FOXO1: variants seen among roughly 807,000 people sequenced by gnomAD.
FOXO1 encodes the protein forkhead box protein O1.
FOXO1 carries 6 observed loss-of-function variants against 44.1 expected under a neutral mutation model. The ratio of observed to expected loss-of-function variants is 0.14; its 90% confidence interval spans 0.07 to 0.27. FOXO1 has a LOEUF of 0.27. Among genes scored for constraint, FOXO1 ranks in the 10% least tolerant of loss-of-function variants. The pLI, the probability that FOXO1 is intolerant of heterozygous loss-of-function variation, is 1.00. For synonymous variants in FOXO1, 380 were observed against 362.7 expected (o/e 1.05, Z -0.54); for missense variants, 737 against 888.8 (o/e 0.83, Z 2.17).
At chr13:40,665,503 G>T in intron 1 of FOXO1, 80 bp downstream of exon 1, 1 of 1,202,060 alleles carries the variant, frequency 8.3e-7, no homozygotes, top group Non-Finnish European at 1.1e-6. Context: ...CGCACCTTCA[G>T]GCCGAGCAAA....
At chr13:40,601,319 T>C (rs925147050) in intron 1 of FOXO1, among the ~76,000 whole-genome samples, 3 of 152,262 alleles carry the variant, frequency 2.0e-5, no homozygotes, top group Admixed American at 1.3e-4. Context: ...CCAGTTATGC[T>C]GTTAATAGTA....
intron 1 of FOXO1, among the ~76,000 whole-genome samples, chr13:40,651,404 G>T (rs1209709203): frequency 6.6e-6 from 1 of 152,144 alleles, no homozygotes; most frequent in Non-Finnish European, 1.5e-5. Flanking sequence ...AGAGGTCACA[G>T]CAGGGAAAGT....
chr13:40,612,064 GT>G (rs1198746269), intron 1 of FOXO1, among the ~76,000 whole-genome samples: 1 of 152,050 alleles, frequency 6.6e-6, no homozygotes, highest in Non-Finnish European at 1.5e-5. Context: ...GTGAGACCCT[GT>G]CTCAATAAAT....
At chr13:40,639,912 C>G (rs1877293046) in intron 1 of FOXO1, among the ~76,000 whole-genome samples, 1 of 152,246 alleles carries the variant, frequency 6.6e-6, no homozygotes, top group African/African-American at 2.4e-5. Context: ...GTGGCAAACC[C>G]AATCCCTCAA....
intron 1 of FOXO1, among the ~76,000 whole-genome samples, chr13:40,573,495 A>G (rs1874626142): frequency 6.6e-6 from 1 of 152,222 alleles, no homozygotes; most frequent in Admixed American, 6.5e-5. Flanking sequence ...GTAGGAAAAA[A>G]GGGATCCCTG....
intron 1 of FOXO1, among the ~76,000 whole-genome samples, chr13:40,569,302 G>A (rs1874394350): frequency 6.6e-6 from 1 of 152,206 alleles, no homozygotes; most frequent in Non-Finnish European, 1.5e-5. Flanking sequence ...GCCCTTCTGA[G>A]TAGGTCCTGG....
At chr13:40,659,227 A>C (rs1850513762) in intron 1 of FOXO1, among the ~76,000 whole-genome samples, 1 of 150,834 alleles carries the variant, frequency 6.6e-6, no homozygotes, top group African/African-American at 2.5e-5. Context: ...AGGCAGGAGA[A>C]TCACCTGAAC....
intron 1 of FOXO1, among the ~76,000 whole-genome samples, chr13:40,578,575 A>G (rs945481031): frequency 2.6e-5 from 4 of 152,088 alleles, no homozygotes; most frequent in Non-Finnish European, 5.9e-5. Context: ...TCCTCTAACC[A>G]TTGAGGTCTC....
At chr13:40,656,274 T>C (rs575120388) in intron 1 of FOXO1, among the ~76,000 whole-genome samples, 13 of 152,362 alleles carry the variant, frequency 8.5e-5, no homozygotes, top group African/African-American at 3.1e-4. Flanking sequence ...TAAGGCAATA[T>C]TAGAACTGAC....
rs1167812679 is a variant in FOXO1 at position 40,666,255 on chromosome 13, G to C, written c.-43C>G. On this transcript the variant is annotated 5_prime_UTR_variant, in exon 1 of 3. Transcript: ENST00000379561. ...CCCCAGCCGCAGGAGAGCCAAGAGG[G>C]GGAGAACGCAGCACTGGGGGCGGAC... 7 of 1,350,762 alleles carry C rather than the reference G, an allele frequency of 5.2e-6. No individual in the cohort carries two copies. Among genetic ancestry groups the C allele is most frequent in the Non-Finnish European group, 5.7e-6 (6 of 1,050,128 alleles). The allele number at this position is 1,350,762 out of a possible 1,614,324, so 83.7% of individuals were successfully genotyped here. A position where few individuals can be genotyped will look rare whatever the true frequency, so the allele number is the denominator to read the frequency against.
chr13:40,665,447 C>T (rs1455022129), intron 1 of FOXO1, 136 bp downstream of exon 1: 2 of 747,238 alleles, frequency 2.7e-6, no homozygotes, highest in Admixed American at 8.7e-5. Flanking sequence ...CCACCGCGAC[C>T]ACCGCTTCTC....
chr13:40,563,902 CCT>C (rs774451418), intron 1 of FOXO1, among the ~76,000 whole-genome samples: 2 of 152,160 alleles, frequency 1.3e-5, no homozygotes, highest in African/African-American at 2.4e-5. Context: ...GCAGTCTGAC[CCT>C]GACATTTTCT....
chr13:40,598,018 T>C (rs1323630460), intron 1 of FOXO1, among the ~76,000 whole-genome samples: 2 of 152,172 alleles, frequency 1.3e-5, no homozygotes, highest in Admixed American at 1.3e-4. Context: ...GCTCTCGTTT[T>C]CAATTTCCAA....
chr13:40,665,746 C>A lies in FOXO1; in HGVS notation c.467G>T (p.Arg156Leu). Residue 156 changes from arginine to leucine, a missense_variant, in exon 1 of 3, where the codon CGC (arginine) becomes CTC (leucine). Arg to Leu is a moderately radical substitution (Grantham distance 102). Around this residue, in one of 7 missense-constraint regions of FOXO1, gnomAD observed 213 missense variants for 236.4 expected, o/e 0.90. Coordinates refer to ENST00000379561, the MANE Select transcript of FOXO1 (RefSeq NM_002015.4). ...AGQPRKSSSS[R>L]RNAWGNLSYA... ...GGACAGGTTGCCCCACGCGTTGCGG[C>A]GGGACGAGCTGCTCTTGCGCGGCTG... 2 of 1,423,930 alleles carry A rather than the reference C, an allele frequency of 1.4e-6. No homozygotes were observed. The highest frequency in any genetic ancestry group is 1.9e-6 in the Non-Finnish European group (2 of 1,073,548). 88.2% of individuals were successfully genotyped at this position (1,423,930 alleles called of 1,614,324 possible).
chr13:40,645,992 A>G (rs1036307009), intron 1 of FOXO1, among the ~76,000 whole-genome samples: 1 of 151,778 alleles, frequency 6.6e-6, no homozygotes, highest in African/African-American at 2.4e-5. Context: ...GCTTGAACCC[A>G]AGAGGCAGAG....
rs1313738724 is a variant in FOXO1 at position 40,560,521 on chromosome 13, T to C, written c.970A>G (p.Ile324Val). ...ATAATGGGTGAGAGTCTCCCACTAA[T>C]AGTACTAGCATTTGAGCTAGTTCGA... The part of the protein sequence containing the change: ...RPRTSSNAST[I>V]SGRLSPIMTE... The change falls in exon 2 of 3, where the codon ATT becomes GTT. Residue 324 changes from isoleucine to valine, a missense_variant. By Grantham distance (29) the Ile-to-Val change is conservative (BLOSUM62 3). Around this residue, in one of 7 missense-constraint regions of FOXO1, gnomAD observed 136 missense variants for 186.4 expected, o/e 0.73. Coordinates refer to ENST00000379561, the MANE Select transcript of FOXO1 (RefSeq NM_002015.4). The surrounding 1 kb of genome is among the most constrained non-coding windows in gnomAD (Gnocchi z 5.1). 1.2e-6 allele frequency: 2 copies of C among 1,614,028 alleles called. No individual in the cohort carries two copies. Among genetic ancestry groups the C allele is most frequent in the East Asian group, 2.2e-5 (1 of 44,896 alleles).
intron 1 of FOXO1, among the ~76,000 whole-genome samples, chr13:40,651,299 A>G (rs1298633334): frequency 6.6e-6 from 1 of 152,098 alleles, no homozygotes; most frequent in African/African-American, 2.4e-5. Flanking sequence ...GAACACTGAA[A>G]GTATCAAAAT....
At chr13:40,661,970 G>A (rs959703380) in intron 1 of FOXO1, among the ~76,000 whole-genome samples, 5 of 151,694 alleles carry the variant, frequency 3.3e-5, no homozygotes, top group Admixed American at 6.6e-5. Context: ...TCAGGAGTTC[G>A]AGGCCAGCCA....
intron 1 of FOXO1, among the ~76,000 whole-genome samples, chr13:40,607,707 T>G (rs559843166): frequency 5.3e-5 from 8 of 152,254 alleles, no homozygotes; most frequent in African/African-American, 1.9e-4. Context: ...AAAGTCATTC[T>G]GTTGCCTTGA....
Sources: gnomAD v4.1 joint callset for allele counts (sites outside exome capture counted in the v4.1 genomes callset) on GRCh38, gnomAD v4.1.1 for gene constraint, gnomAD v4.1.1 regional missense constraint, Gnocchi (gnomAD v3.1) non-coding constraint, MANE v1.5 for transcripts, NCBI Gene and HGNC (gene_info 2026-07-23, HGNC 2026-07-21) for gene names.